TXNDC16: variants seen among roughly 807,000 people sequenced by gnomAD.
TXNDC16 encodes the protein thioredoxin domain containing 16.
Under a neutral mutation model 85.6 loss-of-function variants are expected in TXNDC16, and 74 were observed. The ratio of observed to expected loss-of-function variants is 0.86; its 90% CI spans 0.72 to 1.05. The LOEUF (loss-of-function observed/expected upper bound fraction) is 1.05. Among genes scored for constraint, TXNDC16 ranks in the 50% least tolerant of loss-of-function variants. The pLI is 0.00. For synonymous variants in TXNDC16, 335 were observed against 326.5 expected, an observed-to-expected ratio of 1.03 and a Z score of -0.28; for missense variants, 959 against 947.0, an observed-to-expected ratio of 1.01 and a Z score of -0.17.
rs946150606 is a variant in TXNDC16, at chr14:52,513,681, C to G, written c.605+1199G>C. On this transcript the variant is annotated intron_variant, in intron 8 of 20. Coordinates refer to ENST00000281741, the MANE Select transcript of TXNDC16 (RefSeq NM_020784.3). ...GTGTGTGTGTATATACATATATATA[C>G]AGTATATATACACATATATATTATA... 7.9e-5 allele frequency among the ~76,000 whole-genome samples: 12 copies of G among 151,150 alleles called. 1 individual carries two copies. In the Middle Eastern group the frequency reaches 0.017, roughly 217 times the overall value.
At chr14:52,531,317 C>T (rs997627771) in intron 6 of TXNDC16, among the ~76,000 whole-genome samples, 13 of 152,080 alleles carry the variant, frequency 8.5e-5, no homozygotes, top group Admixed American at 2.0e-4. Flanking sequence ...ACACTCCTTT[C>T]GTATTTACCC....
At chr14:52,522,935 C>T (rs889691760) in intron 6 of TXNDC16, among the ~76,000 whole-genome samples, 2 of 152,108 alleles carry the variant, frequency 1.3e-5, no homozygotes, top group Non-Finnish European at 2.9e-5. Context: ...AAGAGGTTAC[C>T]CTGCCTAATG....
chr14:52,537,720 G>A (rs2037735539), intron 4 of TXNDC16, 48 bp from the exon 5 acceptor site: 1 of 1,106,156 alleles, frequency 9.0e-7, no homozygotes, highest in South Asian at 1.3e-5. Flanking sequence ...AAAAGGTCAA[G>A]TTTCTTGGTT....
At chr14:52,442,901 A>G (rs1336290876) in intron 18 of TXNDC16, among the ~76,000 whole-genome samples, 2 of 152,242 alleles carry the variant, frequency 1.3e-5, no homozygotes, top group African/African-American at 4.8e-5. Context: ...ACTTTAGAAG[A>G]GAAGACAGGT....
intron 16 of TXNDC16, among the ~76,000 whole-genome samples, chr14:52,466,717 A>T (rs1036892402): frequency 6.6e-6 from 1 of 152,024 alleles, no homozygotes; most frequent in Admixed American, 6.6e-5. Flanking sequence ...ATATAAAAAA[A>T]TTAGCGGGGC....
chr14:52,452,142 C>A (rs767976086), intron 18 of TXNDC16, among the ~76,000 whole-genome samples: 1 of 152,004 alleles, frequency 6.6e-6, no homozygotes, highest in Non-Finnish European at 1.5e-5. Context: ...AAGATCTCTA[C>A]GATGAAAACT....
chr14:52,443,807 G>C (rs1157771116), intron 18 of TXNDC16, among the ~76,000 whole-genome samples: 1 of 152,128 alleles, frequency 6.6e-6, no homozygotes, highest in East Asian at 1.9e-4. Flanking sequence ...TGAAAAGAAG[G>C]ACCAGTGGAA....
At position 52,455,429 on chromosome 14, in the gene TXNDC16, C is replaced by T. The variant is rs2035509913; in HGVS notation, c.1737G>A (p.Leu579=). 1.5e-5 allele frequency: 25 copies of T among 1,613,982 alleles called. No homozygotes were observed. The highest frequency in any genetic ancestry group is 2.1e-5 in the Non-Finnish European group (25 of 1,179,932). The change falls in exon 18 of 21, where the codon CTG becomes CTA. Residue 579 remains leucine (L), a synonymous_variant. Transcript: ENST00000281741. ...STKYAASLPA[L]LLARHTEGKI... ...TGCCTTCTGTGTGTCTGGCAAGCAG[C>T]AGGGCTGGAAGACTTGCAGCATATT...
chr14:52,494,359 C>G (rs888762263), intron 9 of TXNDC16, among the ~76,000 whole-genome samples: 6 of 152,222 alleles, frequency 3.9e-5, no homozygotes, highest in African/African-American at 1.4e-4. Context: ...TTTGAAGGAG[C>G]AAGCTGCAAT....
At chr14:52,477,462 G>A (rs2036044314) in intron 14 of TXNDC16, among the ~76,000 whole-genome samples, 1 of 152,000 alleles carries the variant, frequency 6.6e-6, no homozygotes, top group Non-Finnish European at 1.5e-5. Context: ...ATAAACTTAA[G>A]GTAAAGGGGT....
intron 18 of TXNDC16, among the ~76,000 whole-genome samples, chr14:52,450,773 T>C (rs959683919): frequency 2.0e-5 from 3 of 151,728 alleles, no homozygotes; most frequent in African/African-American, 4.8e-5. Flanking sequence ...CACACGTTTA[T>C]AGTAGCACAA....
rs1158513705 is a variant in TXNDC16, at chr14:52,431,059, C to T, written c.*1245G>A. The T allele has an allele frequency of 2.0e-5, 3 of 152,176 alleles. No homozygotes were observed. The highest frequency in any genetic ancestry group is 7.2e-5 in the African/African-American group (3 of 41,452). The allele number at this position is 152,176 out of a possible 1,614,324, so 9.4% of individuals were successfully genotyped here. On this transcript the variant is annotated 3_prime_UTR_variant, in exon 21 of 21. Coordinates refer to ENST00000281741, the MANE Select transcript of TXNDC16 (RefSeq NM_020784.3). ...AGAGCACCAAATAGAATATTCTCAA[C>T]AAATGTCTCAAAAAATGCACAGAGC...
At position 52,430,647 on chromosome 14, in the gene TXNDC16, G is replaced by A. The variant is rs956145422; in HGVS notation, c.*1657C>T. 1 of 152,174 alleles carries A rather than the reference G, an allele frequency of 6.6e-6. No individual in the cohort carries two copies. Among genetic ancestry groups the A allele is most frequent in the African/African-American group, 2.4e-5 (1 of 41,426 alleles). 9.4% of individuals were successfully genotyped at this position (152,174 alleles called of 1,614,324 possible). On this transcript the variant is annotated 3_prime_UTR_variant, in exon 21 of 21. Transcript: ENST00000281741. ...AAAATTATGACAAACATTAATGACT[G>A]TCAAAATTGCTGACAAAGGTACAAT...
chr14:52,462,035 T>C (rs552260903), intron 16 of TXNDC16, among the ~76,000 whole-genome samples: 1 of 152,354 alleles, frequency 6.6e-6, no homozygotes, highest in East Asian at 1.9e-4. Flanking sequence ...CTTGAAGCCA[T>C]TTTTATTTTA....
At chr14:52,528,875 ATATATATTATCTATAATACCTAT>A (rs1375150622) in intron 6 of TXNDC16, among the ~76,000 whole-genome samples, 7 of 147,266 alleles carry the variant, frequency 4.8e-5, no homozygotes, top group Admixed American at 1.4e-4. Context: ...AATACCTATT[ATATATATTATCTATAATACCTAT>A]TATATATATT....
At chr14:52,551,386 G>A (rs2038042131) in intron 1 of TXNDC16, among the ~76,000 whole-genome samples, 1 of 151,674 alleles carries the variant, frequency 6.6e-6, no homozygotes, top group Admixed American at 6.6e-5. Flanking sequence ...GGCTGAGGTG[G>A]GAGGACTGCT....
At chr14:52,479,272 C>T (rs1026219650) in intron 14 of TXNDC16, among the ~76,000 whole-genome samples, 1 of 152,102 alleles carries the variant, frequency 6.6e-6, no homozygotes, top group African/African-American at 2.4e-5. Context: ...GATGCCCACT[C>T]TCACCATTCC....
chr14:52,521,073 T>G (rs896422645), intron 6 of TXNDC16, among the ~76,000 whole-genome samples: 9 of 151,924 alleles, frequency 5.9e-5, no homozygotes, highest in African/African-American at 2.2e-4. Context: ...AAAAAAACTA[T>G]AATTTATAAA....
At chr14:52,547,815 G>C (rs899822512) in intron 1 of TXNDC16, among the ~76,000 whole-genome samples, 1 of 152,156 alleles carries the variant, frequency 6.6e-6, no homozygotes, top group Non-Finnish European at 1.5e-5. Flanking sequence ...TAGTGAAGAT[G>C]GTAATTTTGA....
Sources: allele counts gnomAD v4.1 joint callset (sites outside exome capture counted in the v4.1 genomes callset), GRCh38; gene constraint gnomAD v4.1.1; transcripts MANE v1.5; gene names NCBI Gene and HGNC (gene_info 2026-07-23, HGNC 2026-07-21).